Variants in NDUFAF6 observed in about 807,000 individuals in gnomAD.
NDUFAF6 encodes NADH:ubiquinone oxidoreductase complex assembly factor 6.
In NDUFAF6, 45 loss-of-function variants were observed where a neutral mutation model predicts 40.8. That is an observed-to-expected ratio of 1.10 (90% CI 0.87 to 1.42). The LOEUF is 1.42. Ranked by LOEUF, NDUFAF6 falls within the 40% of genes most tolerant of loss-of-function variation. The pLI, the probability that NDUFAF6 is intolerant of heterozygous loss-of-function variation, is 0.00. For synonymous variants in NDUFAF6, 185 were observed against 155.9 expected (o/e 1.19, Z -1.39); for missense variants, 435 against 418.5 (o/e 1.04, Z -0.34).
At chr8:94,971,669 G>A (rs1299046812) in intron 1 of NDUFAF6, among the ~76,000 whole-genome samples, 1 of 152,162 alleles carries the variant, frequency 6.6e-6, no homozygotes, top group Admixed American at 6.5e-5. Context: ...TGGCGCGGTG[G>A]CTTATGCTTA....
intron 2 of NDUFAF6, among the ~76,000 whole-genome samples, chr8:95,092,760 A>G (rs532648838): frequency 4.6e-5 from 7 of 151,712 alleles, no homozygotes; most frequent in Admixed American, 3.3e-4. Context: ...AATTTTTTGT[A>G]TTTTTAGTAG....
At chr8:95,114,263 T>G (rs1810080318) in intron 4 of NDUFAF6, among the ~76,000 whole-genome samples, 1 of 151,560 alleles carries the variant, frequency 6.6e-6, no homozygotes, top group African/African-American at 2.4e-5. Context: ...GGGTGGGGAG[T>G]GGGTGCCTCA....
At chr8:94,930,482 G>A (rs752634816) in intron 1 of NDUFAF6, 1 of 1,614,098 alleles carries the variant, frequency 6.2e-7, no homozygotes, top group South Asian at 1.1e-5. Flanking sequence ...GAAACTATTA[G>A]TAATTGTACT....
rs542154364 is a variant in NDUFAF6 at position 95,036,083 on chromosome 8, A to G, written c.420+507A>G. On this transcript the variant is annotated intron_variant, in intron 3 of 8. Transcript: ENST00000396124. ...CTTGTCTAGTTTGATAGAATTATCTATCCATTGTTGAGTTTTAGGTGTTAG... is the reference window on the plus strand; with the variant it reads ...CTTGTCTAGTTTGATAGAATTATCTGTCCATTGTTGAGTTTTAGGTGTTAG... Among the ~76,000 whole-genome samples, 403 of 152,348 alleles carry G rather than the reference A, an allele frequency of 2.6e-3. 3 individuals carry two copies. Among genetic ancestry groups the G allele is most frequent in the Non-Finnish European group, 4.6e-3 (315 of 68,036 alleles).
At chr8:95,082,760 C>T (rs1036714524) in intron 2 of NDUFAF6, among the ~76,000 whole-genome samples, 4 of 151,724 alleles carry the variant, frequency 2.6e-5, no homozygotes, top group East Asian at 1.9e-4. Flanking sequence ...CCCGGGTTCA[C>T]GCCATTCTCC....
chr8:94,965,155 A>G (rs2131501682), intron 1 of NDUFAF6, among the ~76,000 whole-genome samples: 1 of 152,336 alleles, frequency 6.6e-6, no homozygotes, highest in Middle Eastern at 3.4e-3. Flanking sequence ...ATCCTTTTAG[A>G]ATGGGGACAG....
chr8:95,064,789 G>A (rs890106987), intron 9 of NDUFAF6, among the ~76,000 whole-genome samples: 1 of 152,026 alleles, frequency 6.6e-6, no homozygotes, highest in Non-Finnish European at 1.5e-5. Flanking sequence ...CAGAAGGGGT[G>A]CTGCCTCATA....
chr8:94,949,556 CA>C (rs1822377907), intron 2 of NDUFAF6: 1 of 151,912 alleles, frequency 6.6e-6, no homozygotes, highest in Non-Finnish European at 1.5e-5. Flanking sequence ...CAAGCCCGGG[CA>C]ACAAAAACCG....
chr8:95,090,382 C>A lies in NDUFAF6; in HGVS notation n.214-10750C>A, dbSNP rs147719114. On this transcript the variant is annotated intron_variant and non_coding_transcript_variant, in intron 2 of 5. Coordinates refer to the NDUFAF6 transcript ENST00000523184. ...TTCATTCTTTAGTTCATGGCCTGAGCTCCCCTTCTCTTGTTTTTGACTTCT... is the reference window on the plus strand; with the variant it reads ...TTCATTCTTTAGTTCATGGCCTGAGATCCCCTTCTCTTGTTTTTGACTTCT... Among the ~76,000 whole-genome samples the A allele has an allele frequency of 5.1e-3, 784 of 152,304 alleles. 5 individuals are homozygous for A. Among genetic ancestry groups the A allele is most frequent in the African/African-American group, 0.018 (743 of 41,560 alleles).
intron 2 of NDUFAF6, among the ~76,000 whole-genome samples, chr8:94,998,634 A>G (rs374926055): frequency 1.3e-5 from 2 of 152,184 alleles, no homozygotes; most frequent in Non-Finnish European, 2.9e-5. Context: ...TGTTCTCAGA[A>G]GCCCACATGA....
chr8:95,075,836 CT>C (rs1374125807), exon 10 of NDUFAF6: 2 of 527,890 alleles, frequency 3.8e-6, no homozygotes, highest in African/African-American at 3.9e-5. Context: ...TCTCCTTGCG[CT>C]ATTTTGAATT....
chr8:95,117,141 G>C (rs186340466), downstream of NDUFAF6, among the ~76,000 whole-genome samples: 3 of 152,164 alleles, frequency 2.0e-5, no homozygotes, highest in Non-Finnish European at 4.4e-5. Flanking sequence ...CTGGAGTTGC[G>C]GGGGAATTAA....
intron 1 of NDUFAF6, among the ~76,000 whole-genome samples, chr8:94,934,776 TAAATC>T (rs1307477358): frequency 6.6e-6 from 1 of 152,130 alleles, no homozygotes. Flanking sequence ...CTAAAGCAAT[TAAATC>T]AATAGCAACT....
At chr8:94,957,945 C>T (rs1823223704), upstream of NDUFAF6, 1 of 152,326 alleles carries the variant, frequency 6.6e-6, no homozygotes, top group South Asian at 2.1e-4. Flanking sequence ...TGGACCATCC[C>T]TGTTTGTAAA....
At chr8:95,025,261 C>T in intron 1 of NDUFAF6, 56 bp downstream of exon 1, 3 of 1,339,476 alleles carry the variant, frequency 2.2e-6, no homozygotes, top group Non-Finnish European at 2.9e-6. Context: ...GGGGTGGGAG[C>T]GGCTGCGCCT....
At chr8:94,920,409 A>T (rs943939275) in intron 1 of NDUFAF6, among the ~76,000 whole-genome samples, 2 of 152,230 alleles carry the variant, frequency 1.3e-5, no homozygotes, top group Non-Finnish European at 2.9e-5. Context: ...CTCTTGCAGT[A>T]TCCTCACATG....
intron 2 of NDUFAF6, among the ~76,000 whole-genome samples, chr8:95,012,613 C>A (rs1040092253): frequency 6.9e-6 from 1 of 145,092 alleles, no homozygotes; most frequent in African/African-American, 2.5e-5. Context: ...AGTTTGAGAC[C>A]AGCCTGGGCA....
Position 95,057,928 on chromosome 8 carries a change from A to G in NDUFAF6, c.993A>G (p.Lys331=), listed in dbSNP as rs1156428479. ...PLYLYIQSWR[K]TY ...ATTTGTATATTCAGTCATGGAGAAA[A>G]ACATATTAAAATAATTTCATGGCAT... The change falls in exon 9 of 9, where the codon AAA becomes AAG. Residue 331 remains lysine (K), a synonymous_variant. Coordinates refer to ENST00000396124, the MANE Select transcript of NDUFAF6 (RefSeq NM_152416.4). 2 of 1,534,026 alleles carry G rather than the reference A, an allele frequency of 1.3e-6. No homozygotes were observed. The highest frequency in any genetic ancestry group is 2.3e-5 in the South Asian group (2 of 88,808).
At chr8:94,999,552 G>A (rs1477100041) in intron 2 of NDUFAF6, among the ~76,000 whole-genome samples, 3 of 152,024 alleles carry the variant, frequency 2.0e-5, no homozygotes, top group African/African-American at 7.2e-5. Flanking sequence ...CAGTAGCTGG[G>A]ATTACAGGTG....
Sources: allele counts gnomAD v4.1 joint callset (sites outside exome capture counted in the v4.1 genomes callset), GRCh38; gene constraint gnomAD v4.1.1; transcripts MANE v1.5; gene names NCBI Gene and HGNC (gene_info 2026-07-23, HGNC 2026-07-21).